The following GRIK2 variants were observed in gnomAD, a reference collection of about 807,000 sequenced individuals.
GRIK2 encodes glutamate ionotropic receptor kainate type subunit 2.
Under a neutral mutation model 100.3 loss-of-function variants are expected in GRIK2, and 32 were observed. The ratio of observed to expected loss-of-function variants is 0.32; its 90% CI spans 0.24 to 0.43. The LOEUF (loss-of-function observed/expected upper bound fraction) is 0.43, where lower values mean the gene tolerates loss of function less well. Among genes scored for constraint, GRIK2 ranks in the 20% least tolerant of loss-of-function variants. GRIK2 has a pLI of 1.00. For missense variants in GRIK2, 843 were observed against 1,114.9 expected (o/e 0.76, Z 3.47); for synonymous variants, 417 against 389.4 (o/e 1.07, Z -0.83).
intron 2 of GRIK2, among the ~76,000 whole-genome samples, chr6:101,465,089 A>AT (rs1013205005): frequency 2.6e-5 from 4 of 151,850 alleles, no homozygotes; most frequent in African/African-American, 7.3e-5. Context: ...TCCTTGGATA[A>AT]TTTTTTTTGC....
intron 14 of GRIK2, among the ~76,000 whole-genome samples, chr6:102,033,528 T>C (rs983202429): frequency 6.6e-6 from 1 of 151,370 alleles, no homozygotes; most frequent in Non-Finnish European, 1.5e-5. Context: ...AACCCATGTT[T>C]ATTTTGGCTT....
At chr6:101,988,132 T>TGTGTGTGTGC (rs1231517176) in intron 14 of GRIK2, among the ~76,000 whole-genome samples, 22 of 29,550 alleles carry the variant, frequency 7.4e-4, no homozygotes, top group African/African-American at 1.3e-3. Context: ...TGTGTGTGTG[T>TGTGTGTGTGC]GCGCGCGCGC....
chr6:101,791,481 G>T (rs1402596486), intron 7 of GRIK2, among the ~76,000 whole-genome samples: 1 of 152,154 alleles, frequency 6.6e-6, no homozygotes, highest in Non-Finnish European at 1.5e-5. Flanking sequence ...TAGTCATTCA[G>T]GAGCAGGTTG....
chr6:101,515,270 T>TAC (rs1172837652), intron 2 of GRIK2, among the ~76,000 whole-genome samples: 1 of 152,024 alleles, frequency 6.6e-6, no homozygotes, highest in East Asian at 1.9e-4. Context: ...CAAATATTTA[T>TAC]ACACACACAC....
intron 2 of GRIK2, among the ~76,000 whole-genome samples, chr6:101,471,758 C>T (rs916089065): frequency 1.3e-5 from 2 of 151,816 alleles, no homozygotes; most frequent in African/African-American, 4.8e-5. Context: ...AATCATTAAA[C>T]CTTTAAGCAT....
intron 7 of GRIK2, among the ~76,000 whole-genome samples, chr6:101,786,532 C>T (rs1779432778): frequency 6.6e-6 from 1 of 152,012 alleles, no homozygotes; most frequent in South Asian, 2.1e-4. Flanking sequence ...AAATGTTTTT[C>T]TGTGTCTGTT....
intron 2 of GRIK2, among the ~76,000 whole-genome samples, chr6:101,402,422 G>GCCGACTC (rs1197112941): frequency 6.6e-6 from 1 of 152,116 alleles, no homozygotes; most frequent in Non-Finnish European, 1.5e-5. Context: ...TCCAGCCTCA[G>GCCGACTC]CCGACTCCCA....
chr6:101,430,479 AGTATTTGAGC>A, intron 2 of GRIK2: 1 of 212,950 alleles, frequency 4.7e-6, no homozygotes, highest in South Asian at 8.3e-5. Flanking sequence ...ATCCACACCG[AGTATTTGAGC>A]TCAGTGGGGG....
chr6:102,054,311 A>G (rs1416362403), intron 15 of GRIK2, among the ~76,000 whole-genome samples: 2 of 152,152 alleles, frequency 1.3e-5, no homozygotes, highest in Non-Finnish European at 2.9e-5. Flanking sequence ...ACAAAATTAC[A>G]GGCAATGTTG....
chr6:101,957,094 T>C (rs572622872), intron 14 of GRIK2, among the ~76,000 whole-genome samples: 8 of 152,122 alleles, frequency 5.3e-5, no homozygotes, highest in Non-Finnish European at 1.2e-4. Context: ...GAAGTTATGC[T>C]AATTTGCATT....
intron 12 of GRIK2, among the ~76,000 whole-genome samples, chr6:101,904,226 A>G (rs1451064352): frequency 6.6e-6 from 1 of 151,546 alleles, no homozygotes; most frequent in Non-Finnish European, 1.5e-5. Flanking sequence ...TTGTAACAAG[A>G]CTAAGAATCT....
At chr6:101,922,509 G>T (rs920441126) in intron 12 of GRIK2, among the ~76,000 whole-genome samples, 8 of 152,138 alleles carry the variant, frequency 5.3e-5, no homozygotes. Flanking sequence ...TAATTATCAA[G>T]AAATTAAAAT....
chr6:101,867,128 G>A (rs1294898862), intron 11 of GRIK2, among the ~76,000 whole-genome samples: 4 of 151,702 alleles, frequency 2.6e-5, no homozygotes, highest in Admixed American at 2.0e-4. Context: ...TGTTTATTAA[G>A]TCCATACTGA....
intron 2 of GRIK2, among the ~76,000 whole-genome samples, chr6:101,564,957 G>A (rs560154253): frequency 6.4e-4 from 97 of 152,090 alleles, no homozygotes; most frequent in African/African-American, 2.2e-3. Context: ...TCTCCCTCCT[G>A]CAATAGTCTC....
rs190348687 is a variant in GRIK2, at chr6:102,055,295, C to T, written c.2312-35C>T. On this transcript the variant is annotated intron_variant, in intron 15 of 16. Coordinates refer to ENST00000369134, the MANE Select transcript of GRIK2 (RefSeq NM_021956.5). ...ACCTTTAATTATGAAATTTCAGGTT[C>T]CTTGAAATACTTAACATAACCTCTC... 38 of 1,521,826 alleles carry T rather than the reference C, an allele frequency of 2.5e-5. No homozygotes were observed. The East Asian group carries it at 7.3e-4, about 29-fold the overall frequency. 94.3% of individuals were successfully genotyped at this position (1,521,826 alleles called of 1,614,324 possible).
intron 8 of GRIK2, among the ~76,000 whole-genome samples, chr6:101,800,149 T>G (rs553428559): frequency 9.5e-4 from 145 of 152,144 alleles, no homozygotes; most frequent in African/African-American, 3.3e-3. Context: ...TATACCTAAT[T>G]TGTGAGGCTT....
chr6:101,974,307 C>T (rs1308985228), intron 14 of GRIK2, among the ~76,000 whole-genome samples: 2 of 151,826 alleles, frequency 1.3e-5, no homozygotes, highest in African/African-American at 2.4e-5. Flanking sequence ...GTGCAAGATT[C>T]TGTGGAAATT....
intron 7 of GRIK2, among the ~76,000 whole-genome samples, chr6:101,729,847 T>A (rs1462166563): frequency 6.6e-6 from 1 of 151,978 alleles, no homozygotes; most frequent in African/African-American, 2.4e-5. Flanking sequence ...ACATTTGGAC[T>A]TTTTAAGCAT....
At chr6:101,688,339 A>G (rs1002640486) in intron 7 of GRIK2, among the ~76,000 whole-genome samples, 3 of 151,668 alleles carry the variant, frequency 2.0e-5, no homozygotes, top group East Asian at 3.9e-4. Context: ...AAATTATTCA[A>G]TTTTACTTTG....
Sources: allele counts gnomAD v4.1 joint callset (sites outside exome capture counted in the v4.1 genomes callset), GRCh38; gene constraint gnomAD v4.1.1; transcripts MANE v1.5; gene names NCBI Gene and HGNC (gene_info 2026-07-23, HGNC 2026-07-21).